ELL2: variants seen among roughly 807,000 people sequenced by gnomAD.
ELL2 encodes elongation factor for RNA polymerase II 2.
Under a neutral mutation model 72.8 loss-of-function variants are expected in ELL2, and 21 were observed. That is an observed-to-expected ratio of 0.29 (90% confidence interval 0.20 to 0.42). The LOEUF (loss-of-function observed/expected upper bound fraction) is 0.42, where lower values mean the gene tolerates loss of function less well. Ranked by LOEUF, ELL2 falls within the 10% of genes least tolerant of loss-of-function variation. The pLI is 1.00. For missense variants in ELL2, 568 were observed against 772.8 expected, an observed-to-expected ratio of 0.73 and a Z score of 3.14; for synonymous variants, 266 against 283.2, an observed-to-expected ratio of 0.94 and a Z score of 0.61.
At chr5:95,897,620 T>A (rs1748923285) in intron 8 of ELL2, among the ~76,000 whole-genome samples, 1 of 152,232 alleles carries the variant, frequency 6.6e-6, no homozygotes, top group Non-Finnish European at 1.5e-5. Context: ...ACAATTGATG[T>A]TAGTTCACTA....
At chr5:95,914,804 C>T (rs1439028093) in intron 3 of ELL2, among the ~76,000 whole-genome samples, 2 of 151,888 alleles carry the variant, frequency 1.3e-5, no homozygotes, top group Non-Finnish European at 2.9e-5. Flanking sequence ...GAGATGGCGC[C>T]ACTGCACTCC....
At chr5:95,960,690 G>A (rs914787421) in intron 1 of ELL2, among the ~76,000 whole-genome samples, 1 of 152,052 alleles carries the variant, frequency 6.6e-6, no homozygotes, top group African/African-American at 2.4e-5. Flanking sequence ...CGGGTACGTT[G>A]AGCGTCCGTG....
At chr5:95,897,145 C>CAT (rs1748906592) in intron 8 of ELL2, among the ~76,000 whole-genome samples, 1 of 152,202 alleles carries the variant, frequency 6.6e-6, no homozygotes, top group African/African-American at 2.4e-5. Context: ...CATATCATAT[C>CAT]ATATTCTACA....
chr5:95,890,244 G>C (rs1748609661), intron 10 of ELL2, among the ~76,000 whole-genome samples: 1 of 152,164 alleles, frequency 6.6e-6, no homozygotes, highest in African/African-American at 2.4e-5. Context: ...ACTCTCGCCA[G>C]CTTGTTGAAA....
intron 1 of ELL2, among the ~76,000 whole-genome samples, chr5:95,961,346 C>T (rs968696949): frequency 1.3e-5 from 2 of 151,818 alleles, no homozygotes; most frequent in Non-Finnish European, 2.9e-5. Flanking sequence ...GCTGCGGCTG[C>T]CTCGGCCCCG....
Position 95,901,054 on chromosome 5 carries a change from G to C in ELL2, c.768C>G (p.Leu256=), listed in dbSNP as rs1386175924. ...AAACATAATCCTTTAAGGTATATGAGAGGTCCTTAGAATTCAGATTGGCTA... is the reference window on the plus strand; with the variant it reads ...AAACATAATCCTTTAAGGTATATGACAGGTCCTTAGAATTCAGATTGGCTA... ...QQVANLNSKD[L]SYTLKDYVFK... The change falls in exon 6 of 12, where the codon CTC becomes CTG. Residue 256 remains leucine, a synonymous_variant. Coordinates refer to ENST00000237853, the MANE Select transcript of ELL2 (RefSeq NM_012081.6). The C allele has an allele frequency of 5.6e-6, 9 of 1,608,154 alleles. No individual in the cohort carries two copies. Among genetic ancestry groups the C allele is most frequent in the Non-Finnish European group, 6.8e-6 (8 of 1,178,630 alleles).
intron 2 of ELL2, among the ~76,000 whole-genome samples, chr5:95,938,665 T>C (rs1750863664): frequency 1.3e-5 from 2 of 152,126 alleles, no homozygotes; most frequent in South Asian, 4.2e-4. Context: ...AAGGCTGCAG[T>C]AAGCTATGAT....
At chr5:95,933,019 C>A (rs1750651277) in intron 2 of ELL2, among the ~76,000 whole-genome samples, 1 of 152,182 alleles carries the variant, frequency 6.6e-6, no homozygotes, top group Admixed American at 6.5e-5. Flanking sequence ...TATCTTAAAA[C>A]ATTGCAGTAT....
In ELL2 at chr5:95,900,666, G is replaced by T. The variant is rs373407332; in HGVS notation, c.954+27C>A. On this transcript the variant is annotated intron_variant, in intron 7 of 11. Transcript: ENST00000237853. Reference sequence around the variant, plus strand: ...TAGAGGCCCCTAATATCTATGTCAGGTCTATAATTCTATGTTTATGACATA... The same window carrying T: ...TAGAGGCCCCTAATATCTATGTCAGTTCTATAATTCTATGTTTATGACATA... 1.3e-5 allele frequency: 20 copies of T among 1,503,986 alleles called. No homozygotes were observed. The African/African-American group carries it at 2.5e-4, about 19-fold the overall frequency. The allele number at this position is 1,503,986 out of a possible 1,614,324, so 93.2% of individuals were successfully genotyped here.
At chr5:95,946,642 C>T (rs1402549197) in intron 1 of ELL2, among the ~76,000 whole-genome samples, 2 of 152,228 alleles carry the variant, frequency 1.3e-5, no homozygotes. Flanking sequence ...CCAGAATCAA[C>T]CAAGTTCATC....
intron 4 of ELL2, among the ~76,000 whole-genome samples, chr5:95,910,378 C>T (rs1296689985): frequency 6.6e-6 from 1 of 151,966 alleles, no homozygotes; most frequent in Non-Finnish European, 1.5e-5. Context: ...TAATTTAATA[C>T]ACTTCCAAAA....
chr5:95,898,654 C>T lies in ELL2; in HGVS notation c.1111G>A (p.Ala371Thr), dbSNP rs1748983185. ...AGLPLPPAAAAIPTPPPLPST... is the reference protein window; with the variant it reads ...AGLPLPPAAATIPTPPPLPST... ...GGCAGCGGTGGAGGGGTAGGGATGG[C>T]AGCAGCCGCAGGGGGCAGCGGGAGG... Residue 371 changes from alanine (A) to threonine (T), a missense_variant, in exon 8 of 12, where the codon GCC (alanine) becomes ACC (threonine). Around this residue, in one of 2 missense-constraint regions of ELL2, gnomAD observed 511 missense variants for 728.4 expected, o/e 0.70. Coordinates refer to ENST00000237853, the MANE Select transcript of ELL2 (RefSeq NM_012081.6). 1 of 1,612,480 alleles carries T rather than the reference C, an allele frequency of 6.2e-7. No individual in the cohort carries two copies. Among genetic ancestry groups the T allele is most frequent in the Non-Finnish European group, 8.5e-7 (1 of 1,179,168 alleles).
chr5:95,906,644 C>T lies in ELL2; in HGVS notation c.620G>A (p.Arg207Lys). The T allele has an allele frequency of 6.2e-7, 1 of 1,614,106 alleles. No homozygotes were observed. ...SSSTISQRPY[R>K]DRVIHLLALK... is the part of the protein sequence containing the mutation. The stretch of plus-strand genomic sequence containing the variant: ...GGCCAGTAAGTGAATCACCCTGTCC[C>T]TGTATGGCCTCTGAGAGATGGTGCT... Residue 207 changes from arginine (R) to lysine (K), a missense_variant, in exon 5 of 12, where the codon AGG becomes AAG. Arg to Lys is a conservative substitution (Grantham distance 26). Coordinates refer to ENST00000237853, the MANE Select transcript of ELL2 (RefSeq NM_012081.6).
Position 95,961,559 on chromosome 5 carries a change from C to T in ELL2, c.147+16G>A. On this transcript the variant is annotated intron_variant, in intron 1 of 11. Transcript: ENST00000237853. ...CTCTGCCTCTCTGAGCCCAGCCTGC[C>T]GGCCGGCCCGCTCACCTTGTGGCTC... The T allele has an allele frequency of 1.3e-6, 2 of 1,568,126 alleles. No homozygotes were observed. Among genetic ancestry groups the T allele is most frequent in the African/African-American group, 1.4e-5 (1 of 71,284 alleles).
At position 95,950,925 on chromosome 5, in the gene ELL2, TATATATATATATATATATATATA is replaced by T. The variant is rs1751363465; in HGVS notation, c.148-7899_148-7877del. ...ATGTGTATATATATATATATATATA[TATATATATATATATATATATATA>T]TATATAAAATCTTCATATATATGGT... is the stretch of plus-strand genomic sequence containing the variant. On this transcript the variant is annotated intron_variant, in intron 1 of 11. Coordinates refer to ENST00000237853, the MANE Select transcript of ELL2 (RefSeq NM_012081.6). Among the ~76,000 whole-genome samples, 7 of 112,458 alleles carry T rather than the reference TATATATATATATATATATATATA, an allele frequency of 6.2e-5. No homozygotes were observed. In the East Asian group the frequency reaches 1.0e-3, roughly 17 times the overall value. 73.8% of individuals were successfully genotyped at this position (112,458 alleles called of 152,430 possible).
At position 95,946,574 on chromosome 5, in the gene ELL2, C is replaced by T. The variant is rs555789403; in HGVS notation, c.148-3525G>A. Reference sequence around the variant, plus strand: ...GGCCCACAGTAGTTCTTACCACTGTCTGTCAAAACAAAGCCAACTACTAAA... The same window carrying T: ...GGCCCACAGTAGTTCTTACCACTGTTTGTCAAAACAAAGCCAACTACTAAA... On this transcript the variant is annotated intron_variant, in intron 1 of 11. Transcript: ENST00000237853. 1.2e-3 allele frequency among the ~76,000 whole-genome samples: 190 copies of T among 152,336 alleles called. 1 individual carries two copies. Among genetic ancestry groups the T allele is most frequent in the African/African-American group, 4.4e-3 (182 of 41,574 alleles).
At chr5:95,944,802 T>C (rs1751093931) in intron 1 of ELL2, among the ~76,000 whole-genome samples, 1 of 152,224 alleles carries the variant, frequency 6.6e-6, no homozygotes, top group African/African-American at 2.4e-5. Flanking sequence ...CTCATTACAC[T>C]TCCCTCCTTG....
intron 2 of ELL2, among the ~76,000 whole-genome samples, chr5:95,939,937 T>A (rs1750910422): frequency 6.6e-6 from 1 of 152,192 alleles, no homozygotes; most frequent in South Asian, 2.1e-4. Flanking sequence ...CTAGAGAGAT[T>A]TATAATCCTA....
At chr5:95,927,281 GA>G (rs1458637780) in intron 2 of ELL2, among the ~76,000 whole-genome samples, 5 of 150,424 alleles carry the variant, frequency 3.3e-5, no homozygotes, top group South Asian at 2.1e-4. Flanking sequence ...TAAATATAAG[GA>G]ATGAAGGGGA....
Sources: allele counts gnomAD v4.1 joint callset (sites outside exome capture counted in the v4.1 genomes callset), GRCh38; gene constraint gnomAD v4.1.1; regional missense constraint gnomAD v4.1.1; transcripts MANE v1.5; gene names NCBI Gene and HGNC (gene_info 2026-07-23, HGNC 2026-07-21).